The following ROBO2 variants were observed in gnomAD, a reference collection of about 807,000 sequenced individuals.
ROBO2 encodes the protein roundabout guidance receptor 2, also known as roundabout homolog 2.
Under a neutral mutation model 160.8 loss-of-function variants are expected in ROBO2, and 53 were observed. The observed-to-expected ratio is 0.33, with a 90% CI of 0.26 to 0.41. ROBO2 has a LOEUF of 0.41. Among genes scored for constraint, ROBO2 ranks in the 10% least tolerant of loss-of-function variants. The pLI is 1.00. For synonymous variants in ROBO2, 664 were observed against 611.7 expected (o/e 1.09, Z -1.26); for missense variants, 1,577 against 1,722.4 (o/e 0.92, Z 1.49).
intron 2 of ROBO2, among the ~76,000 whole-genome samples, chr3:77,006,900 A>T (rs974894429): frequency 1.3e-5 from 2 of 152,166 alleles, no homozygotes; most frequent in Admixed American, 6.5e-5. Flanking sequence ...AAAAAAGATA[A>T]TATACCTCTC....
At chr3:76,657,690 GTA>G (rs1429979675) in intron 2 of ROBO2, among the ~76,000 whole-genome samples, 1 of 138,798 alleles carries the variant, frequency 7.2e-6, no homozygotes, top group Non-Finnish European at 1.5e-5. Flanking sequence ...ATATATGTGT[GTA>G]TATATATTCA....
intron 2 of ROBO2, among the ~76,000 whole-genome samples, chr3:76,595,593 C>A (rs908757196): frequency 6.6e-6 from 1 of 151,962 alleles, no homozygotes; most frequent in African/African-American, 2.4e-5. Context: ...TGAACGTGAT[C>A]TTTAAAAAAT....
intron 2 of ROBO2, among the ~76,000 whole-genome samples, chr3:76,248,346 A>G (rs1457735382): frequency 3.3e-5 from 5 of 152,092 alleles, no homozygotes; most frequent in Admixed American, 2.0e-4. Context: ...TTGTAGGGAC[A>G]TGGATGAAAT....
chr3:76,908,086 C>T (rs1404622955), intron 2 of ROBO2, among the ~76,000 whole-genome samples: 3 of 152,010 alleles, frequency 2.0e-5, no homozygotes, highest in Non-Finnish European at 4.4e-5. Flanking sequence ...GTGATCTGCC[C>T]GCCTCGGCTT....
intron 2 of ROBO2, among the ~76,000 whole-genome samples, chr3:76,120,996 C>G (rs2070730997): frequency 6.6e-6 from 1 of 151,852 alleles, no homozygotes; most frequent in Admixed American, 6.6e-5. Flanking sequence ...TTTGAGGAGT[C>G]TAATTGAAGG....
intron 2 of ROBO2, among the ~76,000 whole-genome samples, chr3:76,526,733 A>G (rs575392579): frequency 5.3e-5 from 8 of 152,076 alleles, no homozygotes; most frequent in Non-Finnish European, 8.8e-5. Context: ...GGAGTAAACA[A>G]TTATCACTGA....
At chr3:76,833,756 C>T (rs1473630954) in intron 2 of ROBO2, among the ~76,000 whole-genome samples, 1 of 152,134 alleles carries the variant, frequency 6.6e-6, no homozygotes, top group Non-Finnish European at 1.5e-5. Context: ...CTCCTTCCTC[C>T]CTTTACACTG....
chr3:77,561,851 C>T (rs2093331594), intron 9 of ROBO2, among the ~76,000 whole-genome samples: 1 of 152,034 alleles, frequency 6.6e-6, no homozygotes, highest in South Asian at 2.1e-4. Flanking sequence ...CACTTGTAAT[C>T]CCAGCACTTT....
intron 2 of ROBO2, among the ~76,000 whole-genome samples, chr3:77,010,656 G>T (rs1054716594): frequency 7.2e-5 from 11 of 151,946 alleles, no homozygotes; most frequent in African/African-American, 2.7e-4. Flanking sequence ...TTCTTCAGAT[G>T]GTTCCATGGC....
chr3:75,945,684 C>T (rs75913654), intron 2 of ROBO2, among the ~76,000 whole-genome samples: 2 of 151,752 alleles, frequency 1.3e-5, no homozygotes. Flanking sequence ...TTTTCATTAC[C>T]AAATATCTCA....
intron 2 of ROBO2, among the ~76,000 whole-genome samples, chr3:77,304,219 T>C (rs1245738701): frequency 6.6e-6 from 1 of 152,230 alleles, no homozygotes; most frequent in Non-Finnish European, 1.5e-5. Context: ...ATCGCTGTCA[T>C]ATTGTTGTTT....
At chr3:77,577,308 A>G (rs1160693292) in intron 14 of ROBO2, among the ~76,000 whole-genome samples, 182 bp from the exon 16 acceptor site, 2 of 152,146 alleles carry the variant, frequency 1.3e-5, no homozygotes, top group Non-Finnish European at 2.9e-5. Context: ...TTTGCTTTAA[A>G]TCTAGATATT....
chr3:77,293,776 T>C (rs1482153902), intron 2 of ROBO2, among the ~76,000 whole-genome samples: 93 of 139,254 alleles, frequency 6.7e-4, no homozygotes, highest in African/African-American at 2.6e-3. Flanking sequence ...TAAAGTAAAA[T>C]TGATGGTTAA....
chr3:76,136,815 C>T (rs201543609), intron 2 of ROBO2, among the ~76,000 whole-genome samples: 13 of 151,970 alleles, frequency 8.6e-5, no homozygotes, highest in African/African-American at 2.9e-4. Context: ...TATGCCTGTA[C>T]AAAAAAGAAG....
At chr3:77,517,602 A>G (rs150201897) in intron 5 of ROBO2, among the ~76,000 whole-genome samples, 81 of 151,632 alleles carry the variant, frequency 5.3e-4, no homozygotes, top group African/African-American at 1.8e-3. Context: ...AACTGCTGTT[A>G]CAGTCGTCCC....
chr3:77,618,849 C>T (rs1207674891), intron 22 of ROBO2, among the ~76,000 whole-genome samples: 6 of 152,134 alleles, frequency 3.9e-5, no homozygotes, highest in African/African-American at 4.8e-5. Context: ...TACCGTTAAA[C>T]GCTGTTATTT....
intron 2 of ROBO2, among the ~76,000 whole-genome samples, chr3:76,741,713 A>AT (rs34744284): frequency 0.67 from 102,309 of 151,878 alleles, 34,906 homozygotes; most frequent in African/African-American, 0.79. Flanking sequence ...TTTTTCTCTA[A>AT]TTTTTATCCA....
At chr3:76,567,805 ATATT>A (rs1288899778) in intron 2 of ROBO2, among the ~76,000 whole-genome samples, 68 of 82,234 alleles carry the variant, frequency 8.3e-4, no homozygotes, top group African/African-American at 2.9e-3. Flanking sequence ...GTGTATATAT[ATATT>A]TTTTTTTTTT....
intron 2 of ROBO2, among the ~76,000 whole-genome samples, chr3:76,619,715 T>C (rs1026898364): frequency 5.3e-5 from 8 of 152,186 alleles, no homozygotes; most frequent in Non-Finnish European, 8.8e-5. Flanking sequence ...CTGAGGAGGA[T>C]AGATTCATAA....
Sources: allele counts gnomAD v4.1 joint callset (sites outside exome capture counted in the v4.1 genomes callset), GRCh38; gene constraint gnomAD v4.1.1; transcripts MANE v1.5; gene names NCBI Gene and HGNC (gene_info 2026-07-23, HGNC 2026-07-21).